The following RASSF5 variants were observed in gnomAD, a reference collection of about 807,000 sequenced individuals.
RASSF5 encodes Ras association domain family member 5, also known as ras association domain-containing protein 5.
A neutral mutation model predicts 40.5 loss-of-function variants in RASSF5; 25 were observed. That is an observed-to-expected ratio of 0.62 (90% CI 0.45 to 0.86). The LOEUF is 0.86. RASSF5 is among the 40% of genes least tolerant of loss of function. RASSF5 has a pLI of 0.00. For synonymous variants in RASSF5, 246 were observed against 252.4 expected (o/e 0.97, Z 0.24); for missense variants, 521 against 572.8 (o/e 0.91, Z 0.92).
Position 206,584,588 on chromosome 1 carries a change from G to A in RASSF5, c.892G>A (p.Val298Ile), listed in dbSNP as rs782455588. The change falls in exon 4 of 6, where the codon GTC becomes ATC. Residue 298 changes from valine to isoleucine, a missense_variant. Coordinates refer to ENST00000579436, the MANE Select transcript of RASSF5 (RefSeq NM_182663.4). This position sits in a 1 kb window ranked among gnomAD's most constrained non-coding sequence, Gnocchi z 4.9. ...GCTGCACATCAGCAGCACCACCACC[G>A]TCAGTGAGGTCATCCAGGGGCTGCT... Reference protein sequence around the residue: ...KQLHISSTTTVSEVIQGLLKK... With the variant: ...KQLHISSTTTISEVIQGLLKK... 15 of 1,614,200 alleles carry A rather than the reference G, an allele frequency of 9.3e-6. No individual in the cohort carries two copies. Among genetic ancestry groups the A allele is most frequent in the South Asian group, 2.2e-5 (2 of 91,092 alleles).
chr1:206,512,694 G>A (rs1572287312), intron 1 of RASSF5, among the ~76,000 whole-genome samples: 1 of 151,948 alleles, frequency 6.6e-6, no homozygotes, highest in Non-Finnish European at 1.5e-5. Context: ...AGTCCCAAGG[G>A]CCCTGCCTCG....
intron 1 of RASSF5, among the ~76,000 whole-genome samples, chr1:206,521,345 A>C (rs2103507201): frequency 6.6e-6 from 1 of 152,270 alleles, no homozygotes; most frequent in African/African-American, 2.4e-5. Context: ...CCGGTTGATG[A>C]TTGGCACTTT....
At chr1:206,583,154 C>A in intron 2 of RASSF5, 115 bp from the exon 3 acceptor site, 1 of 711,312 alleles carries the variant, frequency 1.4e-6, no homozygotes, top group Non-Finnish European at 2.5e-6. Flanking sequence ...TAGTTCCACT[C>A]TGCAGGGCTG....
chr1:206,543,170 C>A (rs1553399625), intron 2 of RASSF5: 2 of 150,404 alleles, frequency 1.3e-5, no homozygotes, highest in Non-Finnish European at 2.9e-5. Context: ...GAGCTATGAT[C>A]ATGCCACATG....
chr1:206,523,618 A>ATG (rs1221356481), intron 1 of RASSF5, among the ~76,000 whole-genome samples: 1 of 103,568 alleles, frequency 9.7e-6, no homozygotes, highest in Non-Finnish European at 1.8e-5. Flanking sequence ...ATATATATAT[A>ATG]AAATATATAA....
chr1:206,581,903 G>T (rs1487052021), intron 2 of RASSF5, among the ~76,000 whole-genome samples: 1 of 152,044 alleles, frequency 6.6e-6, no homozygotes, highest in African/African-American at 2.4e-5. Flanking sequence ...GTTGTGTTCC[G>T]CGGGGTGGTG....
intron 1 of RASSF5, among the ~76,000 whole-genome samples, chr1:206,510,581 G>A (rs1381050372): frequency 2.0e-5 from 3 of 152,052 alleles, no homozygotes; most frequent in Non-Finnish European, 4.4e-5. Context: ...ATTACCTTTC[G>A]AAGCAGTGAG....
intron 2 of RASSF5, among the ~76,000 whole-genome samples, chr1:206,555,511 A>T (rs1241231597): frequency 6.6e-6 from 1 of 151,666 alleles, no homozygotes; most frequent in African/African-American, 2.4e-5. Flanking sequence ...TCTGGGGGAA[A>T]CCCCCCAAAC....
chr1:206,556,184 C>A (rs1553401734), intron 2 of RASSF5, among the ~76,000 whole-genome samples: 1 of 152,228 alleles, frequency 6.6e-6, no homozygotes, highest in East Asian at 1.9e-4. Context: ...ACCCAAATAG[C>A]CTCATCATTG....
At chr1:206,543,369 T>A (rs1667593599) in intron 2 of RASSF5, 1 of 152,214 alleles carries the variant, frequency 6.6e-6, no homozygotes, top group Admixed American at 6.5e-5. Flanking sequence ...AGGGGCAGTG[T>A]GAGCAGTGGA....
At chr1:206,518,870 T>C (rs567438588) in intron 1 of RASSF5, among the ~76,000 whole-genome samples, 8 of 151,176 alleles carry the variant, frequency 5.3e-5, no homozygotes, top group Non-Finnish European at 7.4e-5. Context: ...TGGCAGAATA[T>C]GGGTATCTCG....
intron 2 of RASSF5, among the ~76,000 whole-genome samples, chr1:206,549,562 T>G (rs1553400783): frequency 6.6e-6 from 1 of 152,172 alleles, no homozygotes; most frequent in Non-Finnish European, 1.5e-5. Context: ...TCCTCCCACT[T>G]TAGGCTCCCA....
chr1:206,512,435 T>C (rs141407578), intron 1 of RASSF5, among the ~76,000 whole-genome samples: 49 of 152,310 alleles, frequency 3.2e-4, no homozygotes, highest in African/African-American at 1.2e-3. Context: ...GTGGGGGGCT[T>C]GAATCCCAGG....
At chr1:206,509,198 G>C (rs1166009639) in intron 1 of RASSF5, among the ~76,000 whole-genome samples, 1 of 152,228 alleles carries the variant, frequency 6.6e-6, no homozygotes, top group Non-Finnish European at 1.5e-5. Context: ...CAACTGCAGC[G>C]TTGGACAGCA....
rs534778869 is a variant in RASSF5, at chr1:206,584,838, C to T, written c.988+154C>T. ...ATGTGGTGTTCAGATCTGTGGAATC[C>T]GGGCAGGGAGGCAAGAGCAGAGTCC... On this transcript the variant is annotated intron_variant, in intron 4 of 5. Coordinates refer to ENST00000579436, the MANE Select transcript of RASSF5 (RefSeq NM_182663.4). This position sits in a 1 kb window ranked among gnomAD's most constrained non-coding sequence, Gnocchi z 4.9. The T allele has an allele frequency of 2.0e-4, 160 of 794,998 alleles. 1 individual carries two copies. In the South Asian group the frequency reaches 2.4e-3, roughly 12 times the overall value. The allele number at this position is 794,998 out of a possible 1,614,324, so 49.2% of individuals were successfully genotyped here.
At chr1:206,558,428 G>A (rs1277040522) in intron 2 of RASSF5, among the ~76,000 whole-genome samples, 1 of 152,060 alleles carries the variant, frequency 6.6e-6, no homozygotes, top group Non-Finnish European at 1.5e-5. Context: ...TGGAGGTAAA[G>A]CTGAGTTTGT....
In RASSF5 at chr1:206,538,267, AG is replaced by A. The variant is rs1553398930; in HGVS notation, c.554del (p.Ser185ThrfsTer5). 6.2e-7 allele frequency: 1 copy of A among 1,613,918 alleles called. No individual in the cohort carries two copies. Among genetic ancestry groups the A allele is most frequent in the Non-Finnish European group, 8.5e-7 (1 of 1,180,028 alleles). ...GLSRDRPSPE[S>X]TLTVTFSQNV... The stretch of plus-strand genomic sequence containing the variant: ...ATCCCGGGACAGACCCTCTCCAGAA[AG>A]CACCCTCACCGTGACCTTCAGCCAG... On this transcript the variant is annotated frameshift_variant, in exon 2 of 6. Coordinates refer to ENST00000579436, the MANE Select transcript of RASSF5 (RefSeq NM_182663.4). LOFTEE classifies it high-confidence loss of function.
chr1:206,577,915 G>A lies in RASSF5; in HGVS notation c.580-5354G>A, dbSNP rs193244996. 2.0e-5 allele frequency among the ~76,000 whole-genome samples: 3 copies of A among 152,290 alleles called. No homozygotes were observed. In the East Asian group the frequency reaches 5.8e-4, roughly 29 times the overall value. ...GTTGGGAAGAAGACCTGAGATGGAT[G>A]AGTCTACTTGGAGGTTAATGTAAGC... On this transcript the variant is annotated intron_variant, in intron 2 of 5. Transcript: ENST00000579436.
chr1:206,528,451 C>G (rs782290821), intron 1 of RASSF5, among the ~76,000 whole-genome samples: 1 of 152,116 alleles, frequency 6.6e-6, no homozygotes, highest in African/African-American at 2.4e-5. Flanking sequence ...TTTAGGGCAG[C>G]GAAACTACCC....
Sources: gnomAD v4.1 joint callset for allele counts (sites outside exome capture counted in the v4.1 genomes callset) on GRCh38, gnomAD v4.1.1 for gene constraint, Gnocchi (gnomAD v3.1) non-coding constraint, MANE v1.5 for transcripts, NCBI Gene and HGNC (gene_info 2026-07-23, HGNC 2026-07-21) for gene names.